The following ADGRV1 variants were observed in gnomAD, a reference collection of about 807,000 sequenced individuals.
ADGRV1 encodes the protein G-protein coupled receptor 98.
In ADGRV1, 359 loss-of-function variants were observed where a neutral mutation model predicts 596.2. That is an observed-to-expected ratio of 0.60 (90% CI 0.55 to 0.66). The LOEUF is 0.66. ADGRV1 is among the 30% of genes least tolerant of loss of function. The probability of loss-of-function intolerance (pLI) is 0.00; values close to 1 mark genes in which losing one functional copy is unlikely to be tolerated. For synonymous variants in ADGRV1, 2,681 were observed against 2,679.2 expected, an observed-to-expected ratio of 1.00 and a Z score of -0.02; for missense variants, 7,274 against 7,575.6, an observed-to-expected ratio of 0.96 and a Z score of 1.48.
At chr5:90,677,581 G>A (rs1466841368) in intron 25 of ADGRV1, among the ~76,000 whole-genome samples, 1 of 152,148 alleles carries the variant, frequency 6.6e-6, no homozygotes, top group East Asian at 1.9e-4. Flanking sequence ...GTGACCATGA[G>A]CTAATACTGA....
chr5:90,908,111 A>G (rs1188861139), intron 83 of ADGRV1, among the ~76,000 whole-genome samples: 1 of 152,106 alleles, frequency 6.6e-6, no homozygotes, highest in Non-Finnish European at 1.5e-5. Flanking sequence ...TCCGCCTCCC[A>G]AAGTGCTGAG....
At chr5:91,153,501 G>A in intron 89 of ADGRV1, 103 bp downstream of exon 89, 1 of 715,330 alleles carries the variant, frequency 1.4e-6, no homozygotes, top group Non-Finnish European at 2.1e-6. Context: ...GTCACCCTTA[G>A]CACATCCTGA....
Position 91,043,376 on chromosome 5 carries a change from A to T in ADGRV1, c.18153-29071A>T, listed in dbSNP as rs1025063035. On this transcript the variant is annotated intron_variant, in intron 85 of 89. Transcript: ENST00000405460. ...CTAATATTCTTATATCTTGATGGTGATACTCTTCGGGGCTCTAGAGGTTCT... is the reference window on the plus strand; with the variant it reads ...CTAATATTCTTATATCTTGATGGTGTTACTCTTCGGGGCTCTAGAGGTTCT... Among the ~76,000 whole-genome samples, 48 of 152,244 alleles carry T rather than the reference A, an allele frequency of 3.2e-4. No homozygotes were observed. In the South Asian group the frequency reaches 9.3e-3, roughly 30 times the overall value.
chr5:90,915,568 A>C (rs1012085727), intron 83 of ADGRV1, among the ~76,000 whole-genome samples: 3 of 149,600 alleles, frequency 2.0e-5, no homozygotes, highest in African/African-American at 7.7e-5. Context: ...GTCTGCAAAA[A>C]TTAACGCTGA....
At chr5:90,648,340 G>A (rs1768093254) in intron 17 of ADGRV1, among the ~76,000 whole-genome samples, 1 of 152,134 alleles carries the variant, frequency 6.6e-6, no homozygotes, top group African/African-American at 2.4e-5. Flanking sequence ...TCTACCTTCT[G>A]TAAATTGGAA....
intron 83 of ADGRV1, among the ~76,000 whole-genome samples, chr5:90,922,050 C>A (rs531659486): frequency 1.3e-5 from 2 of 152,242 alleles, no homozygotes; most frequent in South Asian, 4.2e-4. Context: ...GTAGCCACCC[C>A]CTCGCCCTAA....
chr5:90,975,731 A>C (rs944415883), intron 84 of ADGRV1, among the ~76,000 whole-genome samples: 4 of 152,174 alleles, frequency 2.6e-5, no homozygotes, highest in Non-Finnish European at 5.9e-5. Flanking sequence ...TAGGGAAAGC[A>C]TTAGGAGATA....
chr5:91,083,262 G>A (rs559850733), intron 86 of ADGRV1, among the ~76,000 whole-genome samples: 30 of 152,162 alleles, frequency 2.0e-4, no homozygotes, highest in African/African-American at 7.2e-4. Flanking sequence ...GGATGGGGGA[G>A]GGATAGCATT....
chr5:90,985,055 G>T (rs1780372663), intron 84 of ADGRV1, among the ~76,000 whole-genome samples: 5 of 152,194 alleles, frequency 3.3e-5, no homozygotes, highest in Admixed American at 3.3e-4. Context: ...AACAGTCATA[G>T]AAGATTGTAA....
intron 83 of ADGRV1, among the ~76,000 whole-genome samples, chr5:90,951,754 T>A (rs2150909375): frequency 6.6e-6 from 1 of 152,310 alleles, no homozygotes; most frequent in Admixed American, 6.5e-5. Context: ...ATATAGTAAT[T>A]ATCAGATCTT....
intron 67 of ADGRV1, among the ~76,000 whole-genome samples, chr5:90,787,463 A>T (rs777189710): frequency 6.6e-6 from 1 of 151,850 alleles, no homozygotes; most frequent in Non-Finnish European, 1.5e-5. Flanking sequence ...TAAAATGTTT[A>T]TATTTCTCTA....
intron 83 of ADGRV1, among the ~76,000 whole-genome samples, chr5:90,906,460 G>C (rs1189108991): frequency 6.6e-6 from 1 of 152,052 alleles, no homozygotes; most frequent in Non-Finnish European, 1.5e-5. Flanking sequence ...TTGGTAGGTT[G>C]TATGTGTCTA....
chr5:90,601,180 T>C (rs1580411935), intron 1 of ADGRV1, among the ~76,000 whole-genome samples: 1 of 151,140 alleles, frequency 6.6e-6, no homozygotes, highest in Non-Finnish European at 1.5e-5. Context: ...GAGGTTGCAG[T>C]GAGCCAAGAT....
chr5:90,918,469 T>C (rs760741617), intron 83 of ADGRV1, among the ~76,000 whole-genome samples: 6 of 152,324 alleles, frequency 3.9e-5, no homozygotes, highest in Non-Finnish European at 7.3e-5. Context: ...AGTCACCAAG[T>C]TCGGTGTGAG....
intron 82 of ADGRV1, among the ~76,000 whole-genome samples, chr5:90,860,542 A>G (rs1767453711): frequency 6.6e-6 from 1 of 152,260 alleles, no homozygotes; most frequent in Non-Finnish European, 1.5e-5. Flanking sequence ...CATTATGCTG[A>G]GAAGAGAGTT....
At position 91,164,244 on chromosome 5, in the gene ADGRV1, T is replaced by C; in HGVS notation, c.*344T>C. On this transcript the variant is annotated 3_prime_UTR_variant, in exon 90 of 90. Coordinates refer to ENST00000405460, the MANE Select transcript of ADGRV1 (RefSeq NM_032119.4). ...TGGTATCATCCAGCTTCATTATTGATAAAGAAACATTGTGCATGGGCAAAA... is the reference window on the plus strand; with the variant it reads ...TGGTATCATCCAGCTTCATTATTGACAAAGAAACATTGTGCATGGGCAAAA... The C allele has an allele frequency of 3.0e-6, 1 of 336,656 alleles. No homozygotes were observed. 20.9% of individuals were successfully genotyped at this position (336,656 alleles called of 1,614,324 possible).
At chr5:90,703,896 C>A in intron 35 of ADGRV1, 101 bp downstream of exon 35, 1 of 817,972 alleles carries the variant, frequency 1.2e-6, no homozygotes, top group South Asian at 1.9e-5. Flanking sequence ...TATTATCTTT[C>A]TCTCTTCTCC....
At chr5:91,045,112 A>C (rs942670983) in intron 85 of ADGRV1, among the ~76,000 whole-genome samples, 1 of 152,150 alleles carries the variant, frequency 6.6e-6, no homozygotes, top group African/African-American at 2.4e-5. Context: ...GACATTCAAA[A>C]AGAAGAATTG....
At chr5:90,887,365 A>G (rs918758795) in intron 83 of ADGRV1, among the ~76,000 whole-genome samples, 2 of 151,902 alleles carry the variant, frequency 1.3e-5, no homozygotes, top group African/African-American at 4.8e-5. Flanking sequence ...ATTTCACTCT[A>G]TTTAATCCTC....
Sources: gnomAD v4.1 joint callset for allele counts (sites outside exome capture counted in the v4.1 genomes callset) on GRCh38, gnomAD v4.1.1 for gene constraint, MANE v1.5 for transcripts, NCBI Gene and HGNC (gene_info 2026-07-23, HGNC 2026-07-21) for gene names.